PLEKHO2: variants seen among roughly 807,000 people sequenced by gnomAD.
The protein encoded by PLEKHO2 is pleckstrin homology domain-containing family O member 2.
Under a neutral mutation model 32.7 loss-of-function variants are expected in PLEKHO2, and 20 were observed. That is an observed-to-expected ratio of 0.61 (90% CI 0.43 to 0.89). The LOEUF (loss-of-function observed/expected upper bound fraction) is 0.89, where lower values mean the gene tolerates loss of function less well. Ranked by LOEUF, PLEKHO2 falls within the 40% of genes least tolerant of loss-of-function variation. The pLI, the probability that PLEKHO2 is intolerant of heterozygous loss-of-function variation, is 0.00. For missense variants in PLEKHO2, 568 were observed against 621.2 expected (o/e 0.91, Z 0.91); for synonymous variants, 247 against 246.3 (o/e 1.00, Z -0.03).
chr15:64,846,276 G>A (rs570547615), intron 1 of PLEKHO2, among the ~76,000 whole-genome samples: 29 of 152,120 alleles, frequency 1.9e-4, no homozygotes, highest in South Asian at 6.2e-4. Flanking sequence ...GCTCATAATC[G>A]GCCAGCCTTC....
At chr15:64,854,857 G>A in intron 2 of PLEKHO2, 64 bp from the exon 3 acceptor site, 2 of 1,257,424 alleles carry the variant, frequency 1.6e-6, no homozygotes, top group Non-Finnish European at 2.3e-6. Context: ...TGGGACATGA[G>A]TAGTTGAGGG....
chr15:64,853,811 C>T (rs1217450832), intron 2 of PLEKHO2, among the ~76,000 whole-genome samples: 2 of 152,236 alleles, frequency 1.3e-5, no homozygotes, highest in Non-Finnish European at 2.9e-5. Context: ...ATCCCTTCAC[C>T]TCCAGGCCTC....
chr15:64,855,386 G>A (rs906604825), intron 3 of PLEKHO2, among the ~76,000 whole-genome samples: 1 of 152,206 alleles, frequency 6.6e-6, no homozygotes, highest in African/African-American at 2.4e-5. Flanking sequence ...CCAGGGCTGA[G>A]GCAGGAGAGC....
intron 2 of PLEKHO2, among the ~76,000 whole-genome samples, chr15:64,850,463 G>A (rs2084559132): frequency 6.6e-6 from 1 of 152,222 alleles, no homozygotes. Flanking sequence ...TTCTTCAACA[G>A]AAGATTCTGG....
At chr15:64,842,191 T>C (rs546221684) in intron 1 of PLEKHO2, among the ~76,000 whole-genome samples, 163 bp downstream of exon 1, 33 of 152,368 alleles carry the variant, frequency 2.2e-4, no homozygotes, top group Non-Finnish European at 4.1e-4. Context: ...TGGATCCATA[T>C]CGGGGACTTC....
At position 64,859,334 on chromosome 15, in the gene PLEKHO2, G is replaced by C. The variant is rs539345321; in HGVS notation, c.280-560G>C. On this transcript the variant is annotated intron_variant, in intron 3 of 5. Transcript: ENST00000323544. Reference sequence around the variant, plus strand: ...ACAGTTGAAGAAACTGAGGCCTGAGGTCAGACACCTGTAAGTGGTGGACTG... The same window carrying C: ...ACAGTTGAAGAAACTGAGGCCTGAGCTCAGACACCTGTAAGTGGTGGACTG... 2.6e-5 allele frequency among the ~76,000 whole-genome samples: 4 copies of C among 152,358 alleles called. No homozygotes were observed. The South Asian group carries it at 6.2e-4, about 24-fold the overall frequency.
chr15:64,862,565 A>G (rs1053017281), intron 5 of PLEKHO2, among the ~76,000 whole-genome samples: 2 of 152,076 alleles, frequency 1.3e-5, no homozygotes, highest in African/African-American at 4.8e-5. Flanking sequence ...TTTGGAGGCC[A>G]GGAAAGAACC....
rs1460976609 is a variant in PLEKHO2 at position 64,865,745 on chromosome 15, C to T, written c.1330C>T (p.Leu444Phe). The change falls in exon 6 of 6, where the codon CTC becomes TTC. Residue 444 changes from leucine (L) to phenylalanine (F), a missense_variant. By Grantham distance (22) the Leu-to-Phe change is conservative. Transcript: ENST00000323544. ...GGCCCCTGTTAGTGCCGAAACATTG[C>T]TCAGCCAGGCTGTGGAGCAGCTGAG... ...EPAPVSAETL[L>F]SQAVEQLRQA... The T allele has an allele frequency of 1.9e-6, 3 of 1,614,106 alleles. No homozygotes were observed. Among genetic ancestry groups the T allele is most frequent in the Non-Finnish European group, 1.7e-6 (2 of 1,180,034 alleles).
intron 1 of PLEKHO2, among the ~76,000 whole-genome samples, chr15:64,842,376 C>CTG (rs1491538887): frequency 9.6e-5 from 1 of 10,462 alleles, no homozygotes; most frequent in African/African-American, 6.7e-4. Context: ...CGGATCCTGA[C>CTG]TCTCTCTCTC....
intron 5 of PLEKHO2, 108 bp downstream of exon 5, chr15:64,861,683 C>A: frequency 1.2e-6 from 1 of 820,358 alleles, no homozygotes; most frequent in Non-Finnish European, 1.8e-6. Context: ...ACACCTGGAG[C>A]TGGGGCTTCC....
In PLEKHO2 at chr15:64,862,939, C is replaced by CT. The variant is rs34879327; in HGVS notation, c.483+1382dup. ...CTATCCCTCCCCTCTCCCCCCACCT[C>CT]TTTTTTTTTTTTTTTTTTGAGATTG... is the stretch of plus-strand genomic sequence containing the variant. On this transcript the variant is annotated intron_variant, in intron 5 of 5. Transcript: ENST00000323544. Among the ~76,000 whole-genome samples, 878 of 120,072 alleles carry CT rather than the reference C, an allele frequency of 7.3e-3. 16 individuals carry two copies. Among genetic ancestry groups the CT allele is most frequent in the Admixed American group, 0.033 (379 of 11,378 alleles). 78.8% of individuals were successfully genotyped at this position (120,072 alleles called of 152,430 possible). A position where few individuals can be genotyped will look rare whatever the true frequency, so the allele number is the denominator to read the frequency against.
chr15:64,858,550 A>C (rs1036158703), intron 3 of PLEKHO2, among the ~76,000 whole-genome samples: 1 of 152,200 alleles, frequency 6.6e-6, no homozygotes, highest in Non-Finnish European at 1.5e-5. Flanking sequence ...TTTACTGAGC[A>C]CCTACTATGT....
chr15:64,852,619 C>T (rs771570477), intron 2 of PLEKHO2, among the ~76,000 whole-genome samples: 4 of 151,794 alleles, frequency 2.6e-5, no homozygotes, highest in Non-Finnish European at 5.9e-5. Context: ...TGGTGTAGAG[C>T]AGTGGTTCTT....
Position 64,858,560 on chromosome 15 carries a change from T to C in PLEKHO2, c.280-1334T>C, listed in dbSNP as rs146187079. Among the ~76,000 whole-genome samples the C allele has an allele frequency of 4.2e-3, 646 of 152,318 alleles. 9 individuals are homozygous for C. The highest frequency in any genetic ancestry group is 0.015 in the African/African-American group (619 of 41,554). ...AACTATTTACTGAGCACCTACTATG[T>C]GCCAGTCCCTGCTTTTAATCATGTT... On this transcript the variant is annotated intron_variant, in intron 3 of 5. Coordinates refer to ENST00000323544, the MANE Select transcript of PLEKHO2 (RefSeq NM_025201.5).
At position 64,865,231 on chromosome 15, in the gene PLEKHO2, G is replaced by T; in HGVS notation, c.816G>T (p.Val272=). The change falls in exon 6 of 6, where the codon GTG becomes GTT. Residue 272 remains valine (V), a synonymous_variant. Transcript: ENST00000323544. ...PNSVLPDKLK[V]SWENPSPQEA... ...GCGTCCTGCCTGACAAACTGAAGGT[G>T]AGCTGGGAGAACCCCAGCCCCCAGG... The T allele has an allele frequency of 1.2e-6, 2 of 1,614,158 alleles. No homozygotes were observed. Among genetic ancestry groups the T allele is most frequent in the Non-Finnish European group, 1.7e-6 (2 of 1,180,024 alleles).
Position 64,859,878 on chromosome 15 carries a change from T to A in PLEKHO2, c.280-16T>A. The A allele has an allele frequency of 6.2e-7, 1 of 1,605,548 alleles. No homozygotes were observed. Among genetic ancestry groups the A allele is most frequent in the Non-Finnish European group, 8.5e-7 (1 of 1,172,252 alleles). The stretch of plus-strand genomic sequence containing the variant: ...TGTTAAACATCTGCCATCTACTCCA[T>A]CCATCTTGCCCACAGGTCAGCGACA... On this transcript the variant is annotated splice_polypyrimidine_tract_variant and intron_variant, in intron 3 of 5. Transcript: ENST00000323544.
At chr15:64,864,144 C>A (rs755293095) in intron 5 of PLEKHO2, among the ~76,000 whole-genome samples, 1 of 152,164 alleles carries the variant, frequency 6.6e-6, no homozygotes. Flanking sequence ...CTGCCCAGCC[C>A]TGCTGGGGCC....
At position 64,859,942 on chromosome 15, in the gene PLEKHO2, T is replaced by C; in HGVS notation, c.328T>C (p.Trp110Arg). 1 of 1,614,220 alleles carries C rather than the reference T, an allele frequency of 6.2e-7. No homozygotes were observed. Among genetic ancestry groups the C allele is most frequent in the Non-Finnish European group, 8.5e-7 (1 of 1,180,038 alleles). ...QAPTGEEKES[W>R]IKALNEGINR... Reference sequence around the variant, plus strand: ...ACCCACCGGGGAGGAGAAGGAATCCTGGATCAAAGCCCTCAATGAAGGGAT... The same window carrying C: ...ACCCACCGGGGAGGAGAAGGAATCCCGGATCAAAGCCCTCAATGAAGGGAT... The change falls in exon 4 of 6, where the codon TGG becomes CGG. Residue 110 changes from tryptophan to arginine, a missense_variant. Transcript: ENST00000323544.
In PLEKHO2 at chr15:64,854,291, G is replaced by T. The variant is rs189404094; in HGVS notation, c.163-630G>T. 1.6e-4 allele frequency among the ~76,000 whole-genome samples: 25 copies of T among 152,296 alleles called. 1 individual carries two copies. The East Asian group carries it at 4.6e-3, about 28-fold the overall frequency. On this transcript the variant is annotated intron_variant, in intron 2 of 5. Coordinates refer to ENST00000323544, the MANE Select transcript of PLEKHO2 (RefSeq NM_025201.5). ...CCTAATGATGAGGCCTCCGAGTGGT[G>T]GGGTGGGGATGGGATGCGCTTCAAG... is the stretch of plus-strand genomic sequence containing the variant.
Sources: allele counts gnomAD v4.1 joint callset (sites outside exome capture counted in the v4.1 genomes callset), GRCh38; gene constraint gnomAD v4.1.1; transcripts MANE v1.5; gene names NCBI Gene and HGNC (gene_info 2026-07-23, HGNC 2026-07-21).